STAG1: variants seen among roughly 807,000 people sequenced by gnomAD.
The protein encoded by STAG1 is cohesin subunit SA-1.
Under a neutral mutation model 170.9 loss-of-function variants are expected in STAG1, and 26 were observed. The observed-to-expected ratio is 0.15, with a 90% CI of 0.11 to 0.21. The LOEUF (loss-of-function observed/expected upper bound fraction) is 0.21. Ranked by LOEUF, STAG1 falls within the 10% of genes least tolerant of loss-of-function variation. The probability of loss-of-function intolerance (pLI) is 1.00; values close to 1 mark genes in which losing one functional copy is unlikely to be tolerated. For missense variants in STAG1, 964 were observed against 1,509.5 expected, an observed-to-expected ratio of 0.64 and a Z score of 5.99; for synonymous variants, 514 against 497.7, an observed-to-expected ratio of 1.03 and a Z score of -0.44.
chr3:136,493,163 G>A (rs138664279), intron 9 of STAG1, among the ~76,000 whole-genome samples: 6 of 151,934 alleles, frequency 3.9e-5, no homozygotes, highest in African/African-American at 7.3e-5. Context: ...GCAACATGGC[G>A]AAACTTCGTC....
At chr3:136,685,417 T>A (rs1328452365) in intron 1 of STAG1, among the ~76,000 whole-genome samples, 2 of 152,162 alleles carry the variant, frequency 1.3e-5, no homozygotes, top group Admixed American at 1.3e-4. Context: ...ACCTCACATC[T>A]GGCAGTTTCT....
chr3:136,466,694 A>G (rs2089471433), intron 12 of STAG1, among the ~76,000 whole-genome samples: 1 of 152,174 alleles, frequency 6.6e-6, no homozygotes, highest in Admixed American at 6.5e-5. Context: ...TCCAAGACAC[A>G]TAATTGTCAG....
chr3:136,471,086 TGCACATTGTGCACA>T (rs2089614320), intron 12 of STAG1, among the ~76,000 whole-genome samples: 1 of 148,248 alleles, frequency 6.7e-6, no homozygotes, highest in Non-Finnish European at 1.5e-5. Flanking sequence ...GTAACAAAGC[TGCACATTGTGCACA>T]TGTACCCCAG....
chr3:136,642,370 C>T (rs1396393503), intron 1 of STAG1, among the ~76,000 whole-genome samples: 2 of 140,284 alleles, frequency 1.4e-5, no homozygotes, highest in Non-Finnish European at 3.0e-5. Flanking sequence ...CTCCTGGGTT[C>T]ATGCAATTCT....
intron 1 of STAG1, among the ~76,000 whole-genome samples, chr3:136,715,389 G>A (rs2107923730): frequency 6.6e-6 from 1 of 151,908 alleles, no homozygotes; most frequent in African/African-American, 2.4e-5. Flanking sequence ...GGGAGGCCAA[G>A]GCAGGCGGAT....
chr3:136,339,117 G>A (rs1030737516), intron 32 of STAG1, among the ~76,000 whole-genome samples: 4 of 152,018 alleles, frequency 2.6e-5, no homozygotes, highest in Non-Finnish European at 2.9e-5. Context: ...GATAAGAAGA[G>A]GAGAGACACA....
At chr3:136,711,431 C>G (rs1008745100) in intron 1 of STAG1, among the ~76,000 whole-genome samples, 1 of 152,062 alleles carries the variant, frequency 6.6e-6, no homozygotes, top group Non-Finnish European at 1.5e-5. Flanking sequence ...CATGGTGGCT[C>G]ACACCTACGG....
chr3:136,672,127 T>C (rs527832454), intron 1 of STAG1, among the ~76,000 whole-genome samples: 1 of 152,304 alleles, frequency 6.6e-6, no homozygotes, highest in South Asian at 2.1e-4. Context: ...AGGATTCCAT[T>C]CCCTTAACCT....
chr3:136,694,576 A>T (rs1576774791), intron 1 of STAG1, among the ~76,000 whole-genome samples: 1 of 151,862 alleles, frequency 6.6e-6, no homozygotes. Flanking sequence ...TGATCATGCC[A>T]CTGCCTAGGC....
chr3:136,522,845 T>G (rs938444357), intron 6 of STAG1, among the ~76,000 whole-genome samples: 3 of 151,908 alleles, frequency 2.0e-5, no homozygotes, highest in Admixed American at 2.0e-4. Flanking sequence ...TGTGATAGTT[T>G]CCTGAGAATG....
intron 21 of STAG1, among the ~76,000 whole-genome samples, chr3:136,400,516 C>A (rs568661465): frequency 2.6e-5 from 4 of 151,678 alleles, no homozygotes; most frequent in Non-Finnish European, 5.9e-5. Flanking sequence ...CCACCACGCC[C>A]GGCCGCAACA....
intron 6 of STAG1, among the ~76,000 whole-genome samples, chr3:136,539,127 C>A (rs1462900270): frequency 6.6e-6 from 1 of 150,638 alleles, no homozygotes; most frequent in African/African-American, 2.4e-5. Context: ...GAGCCAGACT[C>A]CGTCTCAAAA....
intron 3 of STAG1, among the ~76,000 whole-genome samples, chr3:136,604,890 T>C (rs1221322323): frequency 6.6e-6 from 1 of 152,130 alleles, no homozygotes; most frequent in African/African-American, 2.4e-5. Context: ...CCTCAAATGA[T>C]TCGCCCACCT....
chr3:136,592,716 A>C (rs1476707636), intron 4 of STAG1, among the ~76,000 whole-genome samples: 1 of 152,220 alleles, frequency 6.6e-6, no homozygotes, highest in Non-Finnish European at 1.5e-5. Flanking sequence ...GGGTAAAAGT[A>C]GGTGGCAATT....
At chr3:136,604,176 C>A (rs1483298562) in intron 4 of STAG1, 133 bp downstream of exon 4, 8 of 741,304 alleles carry the variant, frequency 1.1e-5, no homozygotes, top group Non-Finnish European at 1.6e-5. Context: ...AAAATAATAA[C>A]CTTTCAGGAT....
At chr3:136,692,978 T>A (rs556680785) in intron 1 of STAG1, among the ~76,000 whole-genome samples, 4 of 152,198 alleles carry the variant, frequency 2.6e-5, no homozygotes, top group Non-Finnish European at 5.9e-5. Flanking sequence ...CCAGCAGAGA[T>A]GTCTTCGGTG....
chr3:136,347,947 C>T (rs1576376451), intron 29 of STAG1, among the ~76,000 whole-genome samples: 1 of 152,204 alleles, frequency 6.6e-6, no homozygotes, highest in Non-Finnish European at 1.5e-5. Context: ...GGTCTGAATT[C>T]TGGAACTCTC....
chr3:136,435,226 A>G (rs1278549024), intron 15 of STAG1, among the ~76,000 whole-genome samples: 1 of 152,222 alleles, frequency 6.6e-6, no homozygotes, highest in Non-Finnish European at 1.5e-5. Flanking sequence ...AGAATTTTCT[A>G]TATCTAAAGC....
chr3:136,752,114 G>C (rs1381900922), intron 1 of STAG1, 81 bp downstream of exon 1: 2 of 153,440 alleles, frequency 1.3e-5, no homozygotes, highest in Admixed American at 1.3e-4. Context: ...TCTTGGATCG[G>C]CGCTTCCAGC....
Sources: allele counts gnomAD v4.1 joint callset (sites outside exome capture counted in the v4.1 genomes callset), GRCh38; gene constraint gnomAD v4.1.1; transcripts MANE v1.5; gene names NCBI Gene and HGNC (gene_info 2026-07-23, HGNC 2026-07-21).